The following DNTTIP1 variants were observed in gnomAD, a reference collection of about 807,000 sequenced individuals.
The protein encoded by DNTTIP1 is deoxynucleotidyltransferase terminal-interacting protein 1.
In DNTTIP1, 22 loss-of-function variants were observed where a neutral mutation model predicts 52.9. That is an observed-to-expected ratio of 0.42 (90% CI 0.30 to 0.59). DNTTIP1 has a LOEUF of 0.59. Ranked by LOEUF, DNTTIP1 falls within the 20% of genes least tolerant of loss-of-function variation. The pLI, the probability that DNTTIP1 is intolerant of heterozygous loss-of-function variation, is 0.22. For missense variants in DNTTIP1, 286 were observed against 435.5 expected (o/e 0.66, Z 3.06); for synonymous variants, 136 against 155.1 (o/e 0.88, Z 0.92).
At chr20:45,801,330 CT>C in intron 5 of DNTTIP1, 71 bp from the exon 6 acceptor site, 5 of 1,565,468 alleles carry the variant, frequency 3.2e-6, no homozygotes, top group Non-Finnish European at 4.4e-6. Flanking sequence ...CCAGGGCTGT[CT>C]TCTGCAACTC....
intron 8 of DNTTIP1, among the ~76,000 whole-genome samples, chr20:45,804,605 CTG>C (rs955701257): frequency 2.1e-4 from 32 of 152,316 alleles, no homozygotes; most frequent in African/African-American, 7.5e-4. Flanking sequence ...TCCAACTCCT[CTG>C]TGTTTCTCTC....
rs929655043 is a variant in DNTTIP1 at position 45,791,970 on chromosome 20, C to G, written c.-35C>G. The G allele has an allele frequency of 5.8e-6, 7 of 1,212,912 alleles. No homozygotes were observed. The Admixed American group carries it at 1.6e-4, about 28-fold the overall frequency. 75.1% of individuals were successfully genotyped at this position (1,212,912 alleles called of 1,614,324 possible). ...CACGGCGCCACTTTCCGGCCGGTGA[C>G]AGAGTCCAGCGGAGTTGTGGGGGCC... On this transcript the variant is annotated 5_prime_UTR_variant, in exon 1 of 13. Coordinates refer to ENST00000372622, the MANE Select transcript of DNTTIP1 (RefSeq NM_052951.3).
intron 4 of DNTTIP1, among the ~76,000 whole-genome samples, chr20:45,800,660 G>A (rs559067564): frequency 8.2e-6 from 1 of 121,698 alleles, no homozygotes; most frequent in Non-Finnish European, 1.6e-5. Context: ...GGCGACAAGA[G>A]TGAAACTCCA....
At chr20:45,793,059 A>G (rs536387578) in intron 2 of DNTTIP1, among the ~76,000 whole-genome samples, 2 of 152,296 alleles carry the variant, frequency 1.3e-5, no homozygotes, top group East Asian at 3.9e-4. Context: ...AGTTTAAGAG[A>G]ACAGGCTCTG....
chr20:45,802,172 T>G, intron 7 of DNTTIP1, 115 bp downstream of exon 7: 3 of 1,163,534 alleles, frequency 2.6e-6, no homozygotes, highest in Non-Finnish European at 3.8e-6. Context: ...TCAGCTTAAG[T>G]CATCGTGGAG....
In DNTTIP1 at chr20:45,803,834, C is replaced by G. The variant is rs553760741; in HGVS notation, c.603+456C>G. Reference sequence around the variant, plus strand: ...ACACTTAATGCACTTAAGACTTGCCCAAAGTCACATAACTCGTAAGTGATC... The same window carrying G: ...ACACTTAATGCACTTAAGACTTGCCGAAAGTCACATAACTCGTAAGTGATC... On this transcript the variant is annotated intron_variant, in intron 8 of 12. Coordinates refer to ENST00000372622, the MANE Select transcript of DNTTIP1 (RefSeq NM_052951.3). 1.6e-4 allele frequency among the ~76,000 whole-genome samples: 25 copies of G among 152,274 alleles called. 1 individual carries two copies. Among genetic ancestry groups the G allele is most frequent in the Middle Eastern group, 6.8e-3 (2 of 294 alleles).
chr20:45,800,738 T>A lies in DNTTIP1; in HGVS notation c.373-336T>A, dbSNP rs1462906447. On this transcript the variant is annotated intron_variant, in intron 4 of 12. Transcript: ENST00000372622. ...ATATATATATATATATATATATATA[T>A]ATATATATATATATATATTTGGAAG... Among the ~76,000 whole-genome samples, 41 of 81,116 alleles carry A rather than the reference T, an allele frequency of 5.1e-4. 4 individuals are homozygous for A. Among genetic ancestry groups the A allele is most frequent in the African/African-American group, 1.7e-3 (36 of 21,738 alleles). The allele number at this position is 81,116 out of a possible 152,430, so 53.2% of individuals were successfully genotyped here.
intron 4 of DNTTIP1, chr20:45,796,421 A>G (rs1981240870): frequency 4.3e-6 from 2 of 465,296 alleles, no homozygotes; most frequent in Non-Finnish European, 8.9e-6. Context: ...AAGACACATA[A>G]TAATTAGAAT....
chr20:45,804,255 C>T (rs1014626114), intron 8 of DNTTIP1, among the ~76,000 whole-genome samples: 1 of 152,162 alleles, frequency 6.6e-6, no homozygotes, highest in African/African-American at 2.4e-5. Context: ...TCTTAATCAT[C>T]TTTGCCTCCT....
intron 6 of DNTTIP1, 88 bp downstream of exon 6, chr20:45,801,546 G>C (rs1003710255): frequency 1.4e-6 from 2 of 1,412,720 alleles, no homozygotes; most frequent in African/African-American, 2.8e-5. Flanking sequence ...CCAACACTTT[G>C]GGAGGCCAAG....
At chr20:45,804,847 C>G (rs775915189) in intron 8 of DNTTIP1, among the ~76,000 whole-genome samples, 10 of 152,230 alleles carry the variant, frequency 6.6e-5, no homozygotes, top group African/African-American at 1.2e-4. Context: ...GGACCCTCCC[C>G]TCGGCAGCCC....
chr20:45,810,792 C>CAGGCCTTACATTAA (rs1357819243), intron 11 of DNTTIP1, 93 bp from the exon 12 acceptor site: 12 of 1,177,380 alleles, frequency 1.0e-5, no homozygotes, highest in Non-Finnish European at 1.5e-5. Flanking sequence ...CACCTAGTAG[C>CAGGCCTTACATTAA]AGGCCTTACA....
At chr20:45,807,569 A>G (rs1242659607) in intron 10 of DNTTIP1, among the ~76,000 whole-genome samples, 4 of 152,076 alleles carry the variant, frequency 2.6e-5, no homozygotes, top group Non-Finnish European at 1.5e-5. Context: ...CCTTTTTTAA[A>G]TGTTTTGATT....
intron 4 of DNTTIP1, among the ~76,000 whole-genome samples, chr20:45,799,434 C>T (rs892511103): frequency 6.6e-6 from 1 of 152,226 alleles, no homozygotes; most frequent in Non-Finnish European, 1.5e-5. Flanking sequence ...ACCATCTCCC[C>T]TCTGCCCATT....
At chr20:45,801,499 C>A in intron 6 of DNTTIP1, 41 bp downstream of exon 6, 1 of 1,608,646 alleles carries the variant, frequency 6.2e-7, no homozygotes, top group Non-Finnish European at 8.5e-7. Context: ...TGAAAAAAGG[C>A]TTGTCAGGCC....
rs748016365 is a variant in DNTTIP1 at position 45,802,090 on chromosome 20, A to G, written c.557+33A>G. 3.1e-6 allele frequency: 5 copies of G among 1,612,284 alleles called. No individual in the cohort carries two copies. In the South Asian group the frequency reaches 4.4e-5, roughly 14 times the overall value. ...GGGACCAACAGTGTGGTGAGAGCAT[A>G]GGGGAGCAGACGGAGAGAGGGGCCC... is the stretch of plus-strand genomic sequence containing the variant. On this transcript the variant is annotated intron_variant, in intron 7 of 12. Coordinates refer to ENST00000372622, the MANE Select transcript of DNTTIP1 (RefSeq NM_052951.3).
chr20:45,807,900 C>T (rs1223314668), intron 10 of DNTTIP1, among the ~76,000 whole-genome samples: 8 of 151,952 alleles, frequency 5.3e-5, no homozygotes, highest in East Asian at 3.9e-4. Context: ...TTCAGTGAGC[C>T]GAGATCACGC....
intron 10 of DNTTIP1, among the ~76,000 whole-genome samples, chr20:45,808,562 C>A (rs1471189633): frequency 6.6e-6 from 1 of 152,134 alleles, no homozygotes; most frequent in Non-Finnish European, 1.5e-5. Flanking sequence ...ATCGCTTGAA[C>A]CCAGGAGGCG....
intron 5 of DNTTIP1, 127 bp downstream of exon 5, chr20:45,801,269 G>A (rs1601028847): frequency 1.5e-6 from 2 of 1,378,640 alleles, no homozygotes; most frequent in East Asian, 4.6e-5. Flanking sequence ...ACAGCATCAT[G>A]CTGGATGGGC....
Sources: gnomAD v4.1 joint callset for allele counts (sites outside exome capture counted in the v4.1 genomes callset) on GRCh38, gnomAD v4.1.1 for gene constraint, MANE v1.5 for transcripts, NCBI Gene and HGNC (gene_info 2026-07-23, HGNC 2026-07-21) for gene names.